RTL4: variants seen among roughly 807,000 people sequenced by gnomAD.
The protein encoded by RTL4 is retrotransposon Gag-like protein 4.
A neutral mutation model predicts 5.3 loss-of-function variants in RTL4; 4 were observed. The ratio of observed to expected loss-of-function variants is 0.75; its 90% CI spans 0.37 to 1.72. The LOEUF is 1.72. Ranked by LOEUF, RTL4 falls within the 40% of genes most tolerant of loss-of-function variation. The probability of loss-of-function intolerance (pLI) is 0.04; values close to 1 mark genes in which losing one functional copy is unlikely to be tolerated. For missense variants in RTL4, 260 were observed against 227.1 expected (o/e 1.14, Z -0.93); for synonymous variants, 98 against 87.3 (o/e 1.12, Z -0.68).
At chrX:112,135,041 T>C in the RTL4 span, among the ~76,000 whole-genome samples, 1 of 112,223 alleles carries the variant, frequency 8.9e-6, no homozygotes, top group African/African-American at 3.2e-5. Flanking sequence ...AAAGACATGC[T>C]CTCCTTTCTC....
At chrX:112,373,701 T>C in the RTL4 span, among the ~76,000 whole-genome samples, 1 of 109,284 alleles carries the variant, frequency 9.2e-6, no homozygotes, top group South Asian at 3.8e-4. Flanking sequence ...TATATATATA[T>C]GTATATATAC....
At chrX:112,426,639 T>C in the RTL4 span, among the ~76,000 whole-genome samples, 2 of 111,692 alleles carry the variant, frequency 1.8e-5, no homozygotes, top group Non-Finnish European at 1.9e-5. Flanking sequence ...GGTGCCAGTG[T>C]AAACGGCAAT....
the RTL4 span, among the ~76,000 whole-genome samples, chrX:112,383,918 A>G: frequency 2.7e-5 from 3 of 111,649 alleles, no homozygotes; most frequent in South Asian, 3.7e-4. Context: ...TTGTATCCCA[A>G]ACCTCAGCAT....
the RTL4 span, among the ~76,000 whole-genome samples, chrX:112,353,172 G>A: frequency 1.7e-4 from 19 of 111,793 alleles, 1 homozygote; most frequent in Admixed American, 1.3e-3. Flanking sequence ...TCATGAAGAA[G>A]TCAGGAAACA....
chrX:112,390,890 G>T, the RTL4 span, among the ~76,000 whole-genome samples: 1 of 112,067 alleles, frequency 8.9e-6, no homozygotes, highest in East Asian at 2.8e-4. Flanking sequence ...AAGTTTTCAT[G>T]GACAATATCC....
the RTL4 span, among the ~76,000 whole-genome samples, chrX:112,298,895 G>A: frequency 1.8e-5 from 2 of 112,671 alleles, no homozygotes; most frequent in Non-Finnish European, 3.8e-5. Flanking sequence ...TCAAAGCAAC[G>A]CTCTGTAAAA....
At chrX:112,264,837 A>T in the RTL4 span, among the ~76,000 whole-genome samples, 1 of 112,152 alleles carries the variant, frequency 8.9e-6, no homozygotes, top group Admixed American at 9.4e-5. Flanking sequence ...TTGTCTTTGG[A>T]CTTGGTGTCT....
At chrX:112,255,214 C>T in the RTL4 span, among the ~76,000 whole-genome samples, 1 of 111,807 alleles carries the variant, frequency 8.9e-6, no homozygotes, top group Non-Finnish European at 1.9e-5. Flanking sequence ...AGAACAGTTC[C>T]AAATAGCGAG....
At chrX:112,301,821 C>T in the RTL4 span, among the ~76,000 whole-genome samples, 1 of 109,335 alleles carries the variant, frequency 9.1e-6, no homozygotes, top group African/African-American at 3.3e-5. Flanking sequence ...TTAAATTGCC[C>T]ATGCCCGATG....
At chrX:112,230,812 T>G in the RTL4 span, among the ~76,000 whole-genome samples, 1 of 110,993 alleles carries the variant, frequency 9.0e-6, no homozygotes, top group African/African-American at 3.3e-5. Flanking sequence ...GGGAGAAAAT[T>G]TTTGCAACCT....
chrX:112,188,786 G>A, the RTL4 span, among the ~76,000 whole-genome samples: 15 of 110,673 alleles, frequency 1.4e-4, no homozygotes, highest in African/African-American at 3.0e-4. Context: ...TATCCCCCCC[G>A]CCTCCCATTT....
the RTL4 span, among the ~76,000 whole-genome samples, chrX:112,397,362 T>C: frequency 8.9e-6 from 1 of 112,224 alleles, no homozygotes; most frequent in Non-Finnish European, 1.9e-5. Flanking sequence ...TTTATTTTTA[T>C]ATTATTATCA....
At chrX:112,106,286 A>G in the RTL4 span, among the ~76,000 whole-genome samples, 1 of 111,864 alleles carries the variant, frequency 8.9e-6, no homozygotes, top group Non-Finnish European at 1.9e-5. Context: ...TATTTTGTTG[A>G]GAAGTTTTGC....
chrX:112,319,777 T>G, the RTL4 span, among the ~76,000 whole-genome samples: 2 of 112,162 alleles, frequency 1.8e-5, no homozygotes, highest in African/African-American at 3.2e-5. Context: ...TCACTCAATG[T>G]TTTTGAAATC....
At chrX:112,215,603 T>C in the RTL4 span, among the ~76,000 whole-genome samples, 200 of 112,480 alleles carry the variant, frequency 1.8e-3, 1 homozygote, top group African/African-American at 6.1e-3. Context: ...GGTTCATCCA[T>C]ATTGTAGCAT....
the RTL4 span, among the ~76,000 whole-genome samples, chrX:112,161,874 C>CTTTCTTTCTTTCTTT: frequency 2.8e-5 from 1 of 36,018 alleles, no homozygotes; most frequent in Non-Finnish European, 5.1e-5. Context: ...TCTTTCTTTC[C>CTTTCTTTCTTTCTTT]TTCTTTCTTC....
the RTL4 span, among the ~76,000 whole-genome samples, chrX:112,128,717 T>C: frequency 6.5e-5 from 7 of 108,114 alleles, no homozygotes; most frequent in African/African-American, 2.0e-4. Flanking sequence ...CCTTCTATTA[T>C]GTACAAAAAT....
chrX:112,121,991 T>C, the RTL4 span, among the ~76,000 whole-genome samples: 1 of 111,775 alleles, frequency 8.9e-6, no homozygotes, highest in Admixed American at 9.6e-5. Flanking sequence ...AAGGAGATTT[T>C]AAAAACCTAA....
the RTL4 span, among the ~76,000 whole-genome samples, chrX:112,246,555 AT>A: frequency 3.6e-5 from 4 of 111,904 alleles, no homozygotes; most frequent in Admixed American, 3.8e-4. Context: ...CTGGTGTGCC[AT>A]TTGCTAAGAC....
Sources: allele counts gnomAD v4.1 joint callset (sites outside exome capture counted in the v4.1 genomes callset), GRCh38; gene constraint gnomAD v4.1.1; transcripts MANE v1.5; gene names NCBI Gene and HGNC (gene_info 2026-07-23, HGNC 2026-07-21).